EGF: variants seen among roughly 807,000 people sequenced by gnomAD.
EGF encodes the protein epidermal growth factor, also known as pro-epidermal growth factor.
In EGF, 95 loss-of-function variants were observed where a neutral mutation model predicts 143.8. That is an observed-to-expected ratio of 0.66 (90% CI 0.56 to 0.78). The LOEUF is 0.78. Among genes scored for constraint, EGF ranks in the 30% least tolerant of loss-of-function variants. The probability of loss-of-function intolerance (pLI) is 0.00; values close to 1 mark genes in which losing one functional copy is unlikely to be tolerated. For synonymous variants in EGF, 510 were observed against 510.5 expected, an observed-to-expected ratio of 1.00 and a Z score of 0.01; for missense variants, 1,320 against 1,470.9, an observed-to-expected ratio of 0.90 and a Z score of 1.68.
intron 20 of EGF, 56 bp from the exon 21 acceptor site, chr4:109,999,623 C>T (rs1404669626): frequency 2.1e-5 from 34 of 1,609,506 alleles, no homozygotes. Context: ...AGTGTCAAAA[C>T]TATCAGCGTT....
chr4:109,942,091 A>C (rs183100457), intron 2 of EGF, among the ~76,000 whole-genome samples: 1 of 152,366 alleles, frequency 6.6e-6, no homozygotes, highest in Non-Finnish European at 1.5e-5. Flanking sequence ...TCTCACTTTT[A>C]ACAAGGATGG....
intron 1 of EGF, among the ~76,000 whole-genome samples, chr4:109,924,462 A>T (rs1316440091): frequency 6.6e-6 from 1 of 151,672 alleles, no homozygotes; most frequent in Non-Finnish European, 1.5e-5. Context: ...ACATCCATGA[A>T]TTAACTCAAA....
chr4:109,994,788 T>C lies in EGF; in HGVS notation c.2913T>C (p.Asn971=), dbSNP rs200353194. 2 of 1,614,104 alleles carry C rather than the reference T, an allele frequency of 1.2e-6. No homozygotes were observed. Among genetic ancestry groups the C allele is most frequent in the East Asian group, 2.2e-5 (1 of 44,882 alleles). Residue 971 remains asparagine (N), a synonymous_variant, in exon 20 of 24, where the codon AAT becomes AAC. Coordinates refer to ENST00000265171, the MANE Select transcript of EGF (RefSeq NM_001963.6). ...REDDHHYSVR[N]SDSECPLSHD... ...ATGACCACCACTATTCCGTAAGAAA[T>C]AGTGACTCTGAATGTCCCCTGTCCC...
At chr4:109,996,561 C>T (rs1418215536) in intron 20 of EGF, among the ~76,000 whole-genome samples, 1 of 152,212 alleles carries the variant, frequency 6.6e-6, no homozygotes, top group Non-Finnish European at 1.5e-5. Context: ...TCCTTAATAA[C>T]AAGTCTCTAG....
At chr4:109,927,359 T>C (rs1200094574) in intron 1 of EGF, among the ~76,000 whole-genome samples, 1 of 152,162 alleles carries the variant, frequency 6.6e-6, no homozygotes, top group Non-Finnish European at 1.5e-5. Context: ...GAAGGTGTTA[T>C]GTAATCTCAA....
intron 15 of EGF, among the ~76,000 whole-genome samples, chr4:109,981,435 G>A (rs1006868237): frequency 1.3e-5 from 2 of 152,160 alleles, no homozygotes; most frequent in Non-Finnish European, 2.9e-5. Flanking sequence ...AATCCAGCCT[G>A]AGAAGGCTTG....
In EGF at chr4:110,011,714, T is replaced by A. The variant is rs1754016003; in HGVS notation, c.*259T>A. ...GAAACCCAAATTGGGACAACAGTGC[T>A]TTGTAAATTGTGTTGTCTTCAGCAG... On this transcript the variant is annotated 3_prime_UTR_variant, in exon 24 of 24. Coordinates refer to ENST00000265171, the MANE Select transcript of EGF (RefSeq NM_001963.6). The A allele has an allele frequency of 3.8e-6, 2 of 532,040 alleles. No individual in the cohort carries two copies. Among genetic ancestry groups the A allele is most frequent in the African/African-American group, 3.8e-5 (2 of 52,546 alleles). 33.0% of individuals were successfully genotyped at this position (532,040 alleles called of 1,614,324 possible). A position where few individuals can be genotyped will look rare whatever the true frequency, so the allele number is the denominator to read the frequency against.
At chr4:109,966,419 C>T (rs1021091162) in intron 10 of EGF, among the ~76,000 whole-genome samples, 2 of 152,048 alleles carry the variant, frequency 1.3e-5, no homozygotes, top group Non-Finnish European at 2.9e-5. Flanking sequence ...ATATATATGA[C>T]ACATTTTAAA....
intron 10 of EGF, 110 bp downstream of exon 10, chr4:109,964,647 T>G: frequency 4.1e-6 from 6 of 1,458,254 alleles, no homozygotes; most frequent in Non-Finnish European, 5.7e-6. Context: ...AAGTTCTGAA[T>G]GATTAGGCAC....
At chr4:109,992,968 GGATAGC>G (rs1751219753) in intron 18 of EGF, among the ~76,000 whole-genome samples, 2 of 116,480 alleles carry the variant, frequency 1.7e-5, no homozygotes, top group South Asian at 6.4e-4. Flanking sequence ...GAGGGGGGAG[GGATAGC>G]ATTAGGAGAT....
Position 109,918,273 on chromosome 4 carries a change from A to T in EGF, c.127+4811A>T, listed in dbSNP as rs193001871. On this transcript the variant is annotated intron_variant, in intron 1 of 23. Transcript: ENST00000265171. ...AGGTGTGGTTTTTTTTTTTTTTTTA[A>T]ATTTCAAGTAAAGGTGGGTTATTCA... Among the ~76,000 whole-genome samples, 145 of 147,052 alleles carry T rather than the reference A, an allele frequency of 9.9e-4. 1 individual carries two copies. In the East Asian group the frequency reaches 0.019, roughly 19 times the overall value.
rs989912183 is a variant in EGF at position 110,012,291 on chromosome 4, T to C, written c.*836T>C. On this transcript the variant is annotated 3_prime_UTR_variant, in exon 24 of 24. Transcript: ENST00000265171. ...ACATTTTATTGTATGCCTGATTAAGTAGTTAATTATAGTCTAAGGCAGTAC... is the reference window on the plus strand; with the variant it reads ...ACATTTTATTGTATGCCTGATTAAGCAGTTAATTATAGTCTAAGGCAGTAC... 2 of 152,130 alleles carry C rather than the reference T, an allele frequency of 1.3e-5. No homozygotes were observed. The highest frequency in any genetic ancestry group is 2.9e-5 in the Non-Finnish European group (2 of 68,028). 9.4% of individuals were successfully genotyped at this position (152,130 alleles called of 1,614,324 possible). A position where few individuals can be genotyped will look rare whatever the true frequency, so the allele number is the denominator to read the frequency against.
At chr4:109,944,388 G>A (rs1178145716) in intron 4 of EGF, among the ~76,000 whole-genome samples, 1 of 152,178 alleles carries the variant, frequency 6.6e-6, no homozygotes, top group Non-Finnish European at 1.5e-5. Context: ...GCAGTGAGCC[G>A]ATATCGTGCC....
At chr4:110,010,869 T>C (rs1398607477) in intron 23 of EGF, among the ~76,000 whole-genome samples, 1 of 152,090 alleles carries the variant, frequency 6.6e-6, no homozygotes, top group East Asian at 1.9e-4. Context: ...AAAACCAGCC[T>C]GGCTAACATG....
At chr4:109,930,389 T>C (rs1018082910) in intron 1 of EGF, among the ~76,000 whole-genome samples, 1 of 152,144 alleles carries the variant, frequency 6.6e-6, no homozygotes, top group Non-Finnish European at 1.5e-5. Context: ...GTGGGAGCAG[T>C]GTGAGGAGGC....
At chr4:109,940,599 A>G (rs1741753476) in intron 1 of EGF, among the ~76,000 whole-genome samples, 1 of 152,258 alleles carries the variant, frequency 6.6e-6, no homozygotes, top group Non-Finnish European at 1.5e-5. Context: ...TAAAATTTAC[A>G]CTTATATAAA....
chr4:109,994,326 C>T (rs931432915), intron 19 of EGF, among the ~76,000 whole-genome samples: 1 of 152,158 alleles, frequency 6.6e-6, no homozygotes. Flanking sequence ...AGGTAACGGA[C>T]TGCACATTGA....
chr4:109,950,761 C>A (rs1743762073), intron 5 of EGF, among the ~76,000 whole-genome samples: 1 of 152,220 alleles, frequency 6.6e-6, no homozygotes, highest in African/African-American at 2.4e-5. Context: ...AGCTGTCTCT[C>A]CTCATCCTCT....
chr4:109,969,119 G>A lies in EGF; in HGVS notation c.1724G>A (p.Gly575Glu), dbSNP rs1226967393. 6.2e-7 allele frequency: 1 copy of A among 1,613,968 alleles called. No homozygotes were observed. Among genetic ancestry groups the A allele is most frequent in the East Asian group, 2.2e-5 (1 of 44,898 alleles). Residue 575 changes from glycine to glutamate, a missense_variant and splice_region_variant, in exon 11 of 24, where the codon GGG (glycine) becomes GAG (glutamate). Transcript: ENST00000265171. ...IGRRFYWTDR[G>E]KSLIGRSDLN... Reference sequence around the variant, plus strand: ...CGTAGATTCTATTGGACAGACAGAGGGTATGTTTTCTGCTTCAGTTTTAAG... The same window carrying A: ...CGTAGATTCTATTGGACAGACAGAGAGTATGTTTTCTGCTTCAGTTTTAAG...
Sources: allele counts gnomAD v4.1 joint callset (sites outside exome capture counted in the v4.1 genomes callset), GRCh38; gene constraint gnomAD v4.1.1; transcripts MANE v1.5; gene names NCBI Gene and HGNC (gene_info 2026-07-23, HGNC 2026-07-21).